The following IQCB1 variants were observed in gnomAD, a reference collection of about 807,000 sequenced individuals.
IQCB1 encodes the protein IQ motif containing B1.
IQCB1 carries 56 observed loss-of-function variants against 84.4 expected under a neutral mutation model. That is an observed-to-expected ratio of 0.66 (90% CI 0.54 to 0.83). IQCB1 has a LOEUF of 0.83. IQCB1 is among the 40% of genes least tolerant of loss of function. The pLI is 0.00. For missense variants in IQCB1, 629 were observed against 682.1 expected (o/e 0.92, Z 0.87); for synonymous variants, 210 against 234.8 (o/e 0.89, Z 0.96).
chr3:121,786,133 T>G (rs1280998994), intron 12 of IQCB1, among the ~76,000 whole-genome samples: 1 of 110,642 alleles, frequency 9.0e-6, no homozygotes, highest in Non-Finnish European at 1.8e-5. Flanking sequence ...ATTGCACCAC[T>G]GCACTCCAGC....
intron 14 of IQCB1, among the ~76,000 whole-genome samples, chr3:121,771,506 T>G (rs1389541758): frequency 6.6e-6 from 1 of 151,754 alleles, no homozygotes; most frequent in Non-Finnish European, 1.5e-5. Flanking sequence ...TTTTTGTATT[T>G]TCAGTAGAGA....
intron 11 of IQCB1, 54 bp from the exon 12 acceptor site, chr3:121,788,486 T>C: frequency 6.7e-7 from 1 of 1,487,812 alleles, no homozygotes; most frequent in Non-Finnish European, 9.4e-7. Context: ...CTTTCTTAAG[T>C]TCTGGAATCA....
At chr3:121,831,973 C>A (rs1033643187) in intron 2 of IQCB1, among the ~76,000 whole-genome samples, 1 of 152,208 alleles carries the variant, frequency 6.6e-6, no homozygotes, top group Non-Finnish European at 1.5e-5. Context: ...AACATCACCT[C>A]TACTGGAGGT....
intron 5 of IQCB1, among the ~76,000 whole-genome samples, chr3:121,812,184 C>A (rs576368233): frequency 8.4e-4 from 128 of 152,206 alleles, no homozygotes; most frequent in Non-Finnish European, 1.6e-3. Context: ...AGAAGAGGGA[C>A]CTGTTAGAAG....
chr3:121,807,417 A>T lies in IQCB1; in HGVS notation c.514T>A (p.Leu172Ile), dbSNP rs139516260. Reference protein sequence around the residue: ...NVLQSDHFLHLLQADNVQIGS... With the variant: ...NVLQSDHFLHILQADNVQIGS... ...ATTTGGACATTGTCAGCTTGCAGTA[A>T]ATGTAAGAAATGATCACTTTGTAGT... The change falls in exon 7 of 15, where the codon TTA (leucine) becomes ATA (isoleucine). Residue 172 changes from leucine to isoleucine, a missense_variant. Transcript: ENST00000310864. 1.9e-6 allele frequency: 3 copies of T among 1,553,284 alleles called. No homozygotes were observed. Among genetic ancestry groups the T allele is most frequent in the African/African-American group, 2.7e-5 (2 of 73,622 alleles).
At position 121,834,403 on chromosome 3, in the gene IQCB1, C is replaced by A. The variant is rs1708140885; in HGVS notation, c.-25G>T. ...TTAAGGCTACTACCCTGTTGCCAGG[C>A]CACCGGGTCCGGCCCAGCCTTGATT... is the stretch of plus-strand genomic sequence containing the variant. On this transcript the variant is annotated 5_prime_UTR_variant, in exon 2 of 15. Coordinates refer to ENST00000310864, the MANE Select transcript of IQCB1 (RefSeq NM_001023570.4). 6.6e-6 allele frequency: 1 copy of A among 152,208 alleles called. No homozygotes were observed. The allele number at this position is 152,208 out of a possible 1,614,324, so 9.4% of individuals were successfully genotyped here.
Position 121,797,151 on chromosome 3 carries a change from TA to T in IQCB1, c.842del (p.Leu281Ter). 1 of 1,609,198 alleles carries T rather than the reference TA, an allele frequency of 6.2e-7. No individual in the cohort carries two copies. The highest frequency in any genetic ancestry group is 8.5e-7 in the Non-Finnish European group (1 of 1,176,392). ...SQELRQLVGL[L>X]SPMVYQEVEE... ...CTACTTCCTGATAGACCATTGGGCT[TA>T]AAAGGCCAACAAGCTGTCTAAGTTC... On this transcript the variant is annotated frameshift_variant, in exon 9 of 15. Transcript: ENST00000310864. LOFTEE classifies it high-confidence loss of function.
chr3:121,815,152 C>T (rs1160990666), intron 5 of IQCB1, among the ~76,000 whole-genome samples: 1 of 152,132 alleles, frequency 6.6e-6, no homozygotes, highest in East Asian at 1.9e-4. Flanking sequence ...GAACCAATGA[C>T]AAAAATCACA....
intron 11 of IQCB1, 144 bp from the exon 12 acceptor site, chr3:121,788,576 C>T: frequency 1.2e-6 from 1 of 811,428 alleles, no homozygotes; most frequent in Admixed American, 2.1e-5. Flanking sequence ...TACTATTTTA[C>T]CATGGTTCTA....
intron 9 of IQCB1, among the ~76,000 whole-genome samples, chr3:121,796,746 TG>T (rs1949208273): frequency 6.6e-6 from 1 of 152,092 alleles, no homozygotes; most frequent in Non-Finnish European, 1.5e-5. Context: ...TCATGAGAAA[TG>T]ATGAATGAAA....
intron 7 of IQCB1, among the ~76,000 whole-genome samples, chr3:121,800,575 C>T (rs1949366811): frequency 6.6e-6 from 1 of 151,838 alleles, no homozygotes; most frequent in African/African-American, 2.4e-5. Flanking sequence ...CACCCTGTCC[C>T]ATCAGTCAAT....
chr3:121,801,359 A>G (rs1949398681), intron 7 of IQCB1, among the ~76,000 whole-genome samples: 1 of 152,030 alleles, frequency 6.6e-6, no homozygotes, highest in Non-Finnish European at 1.5e-5. Context: ...TTATATAGAT[A>G]CTTACTTTTA....
intron 6 of IQCB1, among the ~76,000 whole-genome samples, chr3:121,807,738 T>A (rs115094279): frequency 0.01 from 1,554 of 152,078 alleles, 20 homozygotes; most frequent in African/African-American, 0.035. Context: ...TGAATCTTTT[T>A]CTTCTATCAA....
In IQCB1 at chr3:121,807,440, A is replaced by C. The variant is rs746194022; in HGVS notation, c.491T>G (p.Leu164Arg). ...GGHVELIQNV[L>R]QSDHFLHLLQ... ...TAAATGTAAGAAATGATCACTTTGT[A>C]GTACTAAAGGAAAAGAAAAAAAAAG... The change falls in exon 7 of 15, where the codon CTA becomes CGA. Residue 164 changes from leucine to arginine, a missense_variant. Transcript: ENST00000310864. 2.1e-6 allele frequency: 3 copies of C among 1,415,782 alleles called. No individual in the cohort carries two copies. In the South Asian group the frequency reaches 3.5e-5, roughly 16 times the overall value. The allele number at this position is 1,415,782 out of a possible 1,614,324, so 87.7% of individuals were successfully genotyped here. A position where few individuals can be genotyped will look rare whatever the true frequency, so the allele number is the denominator to read the frequency against.
chr3:121,799,057 TGAA>T, intron 8 of IQCB1, 136 bp downstream of exon 8: 27 of 624,244 alleles, frequency 4.3e-5, no homozygotes, highest in Middle Eastern at 4.4e-4. Context: ...TTTTTTTTTC[TGAA>T]TTGGTATCTG....
At chr3:121,780,696 T>C (rs1180317546) in intron 13 of IQCB1, among the ~76,000 whole-genome samples, 1 of 152,122 alleles carries the variant, frequency 6.6e-6, no homozygotes, top group Non-Finnish European at 1.5e-5. Context: ...CATTTCCATT[T>C]GTACAGTAGT....
intron 14 of IQCB1, 30 bp from the exon 15 acceptor site, chr3:121,770,604 C>A: frequency 6.5e-7 from 1 of 1,544,824 alleles, no homozygotes. Flanking sequence ...AACAGATGAG[C>A]AGAAGAGTCC....
intron 2 of IQCB1, among the ~76,000 whole-genome samples, chr3:121,832,366 T>C (rs1950673730): frequency 6.6e-6 from 1 of 151,276 alleles, no homozygotes; most frequent in Non-Finnish European, 1.5e-5. Context: ...TGACTCTGTT[T>C]ACCCTGGCTG....
intron 7 of IQCB1, among the ~76,000 whole-genome samples, chr3:121,803,586 T>C (rs767565426): frequency 5.3e-5 from 8 of 152,232 alleles, no homozygotes; most frequent in Non-Finnish European, 8.8e-5. Context: ...TTTGCTTTAA[T>C]TGAGGATTTC....
Sources: gnomAD v4.1 joint callset for allele counts (sites outside exome capture counted in the v4.1 genomes callset) on GRCh38, gnomAD v4.1.1 for gene constraint, MANE v1.5 for transcripts, NCBI Gene and HGNC (gene_info 2026-07-23, HGNC 2026-07-21) for gene names.